HSP90AA1: variants seen among roughly 807,000 people sequenced by gnomAD.
The protein encoded by HSP90AA1 is heat shock protein HSP 90-alpha.
Under a neutral mutation model 73.3 loss-of-function variants are expected in HSP90AA1, and 18 were observed. That is an observed-to-expected ratio of 0.25 (90% CI 0.17 to 0.36). The LOEUF (loss-of-function observed/expected upper bound fraction) is 0.36, where lower values mean the gene tolerates loss of function less well. Among genes scored for constraint, HSP90AA1 ranks in the 10% least tolerant of loss-of-function variants. The pLI is 1.00. For synonymous variants in HSP90AA1, 477 were observed against 296.9 expected (o/e 1.61, Z -6.24); for missense variants, 704 against 874.2 (o/e 0.81, Z 2.45).
chr14:102,100,164 G>T (rs949413556), intron 2 of HSP90AA1, among the ~76,000 whole-genome samples: 1 of 152,098 alleles, frequency 6.6e-6, no homozygotes, highest in Non-Finnish European at 1.5e-5. Context: ...CTCCAGCCTG[G>T]GTAGCAGAGC....
chr14:102,100,923 G>A (rs2049484662), intron 2 of HSP90AA1, among the ~76,000 whole-genome samples: 1 of 152,162 alleles, frequency 6.6e-6, no homozygotes, highest in South Asian at 2.1e-4. Flanking sequence ...ACTCTGACAT[G>A]GCGGGACGGG....
intron 1 of HSP90AA1, among the ~76,000 whole-genome samples, chr14:102,134,713 T>C (rs1006977069): frequency 2.0e-5 from 3 of 152,094 alleles, no homozygotes; most frequent in Non-Finnish European, 4.4e-5. Flanking sequence ...AAGCTGCAAA[T>C]CTTCGCGGTG....
rs759463359 is a variant in HSP90AA1 at position 102,085,015 on chromosome 14, G to A, written c.664-17C>T. On this transcript the variant is annotated splice_polypyrimidine_tract_variant and intron_variant, in intron 4 of 10. Coordinates refer to ENST00000216281, the MANE Select transcript of HSP90AA1 (RefSeq NM_005348.4). ...CTTCTCCACCTTCAAAAGAAAACAC[G>A]AAATCACATCACTGCTGCACTCCAG... The A allele has an allele frequency of 1.7e-5, 28 of 1,613,268 alleles. No homozygotes were observed. Among genetic ancestry groups the A allele is most frequent in the African/African-American group, 4.0e-5 (3 of 74,834 alleles).
chr14:102,110,599 TG>T (rs200459716), intron 1 of HSP90AA1, among the ~76,000 whole-genome samples: 223 of 147,954 alleles, frequency 1.5e-3, no homozygotes, highest in Middle Eastern at 3.5e-3. Flanking sequence ...TTTTTTTTTT[TG>T]AGACAGTCTT....
intron 1 of HSP90AA1, among the ~76,000 whole-genome samples, chr14:102,129,798 C>A (rs1442320777): frequency 1.0e-5 from 1 of 97,830 alleles, no homozygotes; most frequent in Admixed American, 1.3e-4. Context: ...CCACCACGCC[C>A]GACAACTACA....
At chr14:102,106,346 C>T (rs1257020935) in intron 1 of HSP90AA1, among the ~76,000 whole-genome samples, 1 of 152,048 alleles carries the variant, frequency 6.6e-6, no homozygotes, top group Non-Finnish European at 1.5e-5. Context: ...ATTTTGTTAG[C>T]TTTTGACTTT....
At chr14:102,103,958 C>T (rs1052847177) in intron 1 of HSP90AA1, among the ~76,000 whole-genome samples, 12 of 150,412 alleles carry the variant, frequency 8.0e-5, no homozygotes, top group Non-Finnish European at 1.6e-4. Flanking sequence ...GAGCTGAGTT[C>T]GGATTACAGG....
intron 1 of HSP90AA1, among the ~76,000 whole-genome samples, chr14:102,108,531 C>CTTTTTT (rs35612478): frequency 2.3e-5 from 3 of 130,766 alleles, no homozygotes; most frequent in Non-Finnish European, 3.3e-5. Context: ...TAACTTATAA[C>CTTTTTT]TTTTTTTTTT....
intron 4 of HSP90AA1, 96 bp from the exon 5 acceptor site, chr14:102,085,094 T>G: frequency 6.3e-7 from 1 of 1,595,264 alleles, no homozygotes; most frequent in Non-Finnish European, 8.6e-7. Context: ...AAGTCTAAAT[T>G]AGCCAACTTG....
Position 102,081,656 on chromosome 14 carries a change from A to C in HSP90AA1, c.*56T>G. 1 of 826,472 alleles carries C rather than the reference A, an allele frequency of 1.2e-6. No individual in the cohort carries two copies. Among genetic ancestry groups the C allele is most frequent in the Admixed American group, 1.7e-5 (1 of 58,874 alleles). The allele number at this position is 826,472 out of a possible 1,614,324, so 51.2% of individuals were successfully genotyped here. A position where few individuals can be genotyped will look rare whatever the true frequency, so the allele number is the denominator to read the frequency against. Reference sequence around the variant, plus strand: ...AATAAAGAAAAACATCCTTGAAAATATATTATCAGAGGAATTGTAGAGTAC... The same window carrying C: ...AATAAAGAAAAACATCCTTGAAAATCTATTATCAGAGGAATTGTAGAGTAC... On this transcript the variant is annotated 3_prime_UTR_variant, in exon 11 of 11. Coordinates refer to ENST00000216281, the MANE Select transcript of HSP90AA1 (RefSeq NM_005348.4).
chr14:102,134,661 G>A (rs1280293806), intron 1 of HSP90AA1, among the ~76,000 whole-genome samples: 2 of 152,058 alleles, frequency 1.3e-5, no homozygotes, highest in South Asian at 2.1e-4. Context: ...GGAGTTGTTC[G>A]TTCCTCCCGG....
chr14:102,092,813 A>G (rs1300306186), intron 2 of HSP90AA1, among the ~76,000 whole-genome samples: 1 of 151,850 alleles, frequency 6.6e-6, no homozygotes, highest in African/African-American at 2.4e-5. Context: ...TGCAGTGGCA[A>G]AATCTCGGCT....
chr14:102,103,706 A>G (rs539890694), intron 1 of HSP90AA1, among the ~76,000 whole-genome samples: 22 of 152,076 alleles, frequency 1.4e-4, no homozygotes, highest in African/African-American at 5.3e-4. Flanking sequence ...TGGGAGGCAG[A>G]GGCAGAAGAA....
In HSP90AA1 at chr14:102,134,095, G is replaced by A. The variant is rs190844845; in HGVS notation, c.155+5155C>T. Among the ~76,000 whole-genome samples, 152 of 151,406 alleles carry A rather than the reference G, an allele frequency of 1.0e-3. No homozygotes were observed. The East Asian group carries it at 0.021, about 21-fold the overall frequency. On this transcript the variant is annotated intron_variant, in intron 1 of 11. Coordinates refer to the HSP90AA1 transcript ENST00000334701. Reference sequence around the variant, plus strand: ...CAACCTGGGAGACAGAGGTTGCAGTGAGCCGAGATTACGCCACTGCACTCC... The same window carrying A: ...CAACCTGGGAGACAGAGGTTGCAGTAAGCCGAGATTACGCCACTGCACTCC...
intron 1 of HSP90AA1, among the ~76,000 whole-genome samples, chr14:102,107,158 C>T (rs2049579412): frequency 6.6e-6 from 1 of 151,968 alleles, no homozygotes; most frequent in Non-Finnish European, 1.5e-5. Context: ...GCCAGTTCCT[C>T]CTCATATCCT....
At chr14:102,093,807 T>C (rs997726175) in intron 2 of HSP90AA1, among the ~76,000 whole-genome samples, 3 of 151,984 alleles carry the variant, frequency 2.0e-5, no homozygotes, top group African/African-American at 7.3e-5. Context: ...ACCCCAGCTC[T>C]ACTAAAAATA....
chr14:102,083,341 T>G (rs1484313673), intron 8 of HSP90AA1, 39 bp from the exon 9 acceptor site: 1 of 1,607,936 alleles, frequency 6.2e-7, no homozygotes, highest in Non-Finnish European at 8.5e-7. Flanking sequence ...CTTTTAACAG[T>G]TAAGAATGGT....
intron 1 of HSP90AA1, among the ~76,000 whole-genome samples, chr14:102,136,561 TCG>T (rs2049997862): frequency 7.8e-5 from 1 of 12,868 alleles, no homozygotes; most frequent in Non-Finnish European, 2.1e-4. Flanking sequence ...AGAGTGAGAC[TCG>T]TCTCAAAAAA....
chr14:102,091,875 C>G (rs953972698), upstream of HSP90AA1, among the ~76,000 whole-genome samples: 4 of 152,086 alleles, frequency 2.6e-5, no homozygotes, highest in African/African-American at 9.7e-5. Flanking sequence ...AGTCCTCCCA[C>G]TGTGGCCTCC....
Sources: allele counts gnomAD v4.1 joint callset (sites outside exome capture counted in the v4.1 genomes callset), GRCh38; gene constraint gnomAD v4.1.1; transcripts MANE v1.5; gene names NCBI Gene and HGNC (gene_info 2026-07-23, HGNC 2026-07-21).